ROCK2: variants seen among roughly 807,000 people sequenced by gnomAD.
ROCK2 encodes Rho associated coiled-coil containing protein kinase 2.
A neutral mutation model predicts 195.1 loss-of-function variants in ROCK2; 61 were observed. The observed-to-expected ratio is 0.31, with a 90% CI of 0.25 to 0.39. ROCK2 has a LOEUF of 0.39. Ranked by LOEUF, ROCK2 falls within the 10% of genes least tolerant of loss-of-function variation. The pLI is 1.00. For missense variants in ROCK2, 1,109 were observed against 1,637.4 expected (o/e 0.68, Z 5.57); for synonymous variants, 504 against 545.5 (o/e 0.92, Z 1.06).
chr2:11,231,465 C>T (rs532197122), intron 5 of ROCK2, among the ~76,000 whole-genome samples: 1 of 152,274 alleles, frequency 6.6e-6, no homozygotes, highest in East Asian at 1.9e-4. Flanking sequence ...ACCTCAGCCT[C>T]CCAAAGTGCT....
At chr2:11,188,910 T>C (rs930070330) in intron 32 of ROCK2, among the ~76,000 whole-genome samples, 2 of 151,610 alleles carry the variant, frequency 1.3e-5, no homozygotes, top group African/African-American at 4.8e-5. Context: ...AGGGTGCATG[T>C]CTGTAATCCC....
In ROCK2 at chr2:11,201,928, T is replaced by G; in HGVS notation, c.2619+124A>C. ...TTATTTTTCTAGCAATGATAATAAA[T>G]TTCTCTTAAACTATCTACATTCTTT... On this transcript the variant is annotated intron_variant, in intron 21 of 32. Coordinates refer to ENST00000315872, the MANE Select transcript of ROCK2 (RefSeq NM_004850.5). The surrounding 1 kb of genome is among the most constrained non-coding windows in gnomAD (Gnocchi z 4.6). 1.5e-6 allele frequency: 1 copy of G among 686,670 alleles called. No individual in the cohort carries two copies. Among genetic ancestry groups the G allele is most frequent in the Non-Finnish European group, 2.6e-6 (1 of 391,220 alleles). The allele number at this position is 686,670 out of a possible 1,614,324, so 42.5% of individuals were successfully genotyped here.
intron 2 of ROCK2, 81 bp downstream of exon 2, chr2:11,287,574 T>C (rs190821917): frequency 9.9e-6 from 4 of 405,024 alleles, no homozygotes; most frequent in East Asian, 7.6e-5. Flanking sequence ...TTAATAAATT[T>C]ATAGGCTGAT....
At chr2:11,278,990 A>G (rs1666915707) in intron 3 of ROCK2, among the ~76,000 whole-genome samples, 1 of 152,168 alleles carries the variant, frequency 6.6e-6, no homozygotes, top group South Asian at 2.1e-4. Context: ...AAAAAAGGAA[A>G]AAAGTAGACA....
intron 1 of ROCK2, among the ~76,000 whole-genome samples, chr2:11,335,917 G>A (rs1036253993): frequency 1.6e-4 from 24 of 152,088 alleles, no homozygotes; most frequent in African/African-American, 5.3e-4. Flanking sequence ...ACAGTGAAAC[G>A]ATTGATAATT....
At chr2:11,302,102 G>A (rs1040854778) in intron 1 of ROCK2, among the ~76,000 whole-genome samples, 3 of 151,964 alleles carry the variant, frequency 2.0e-5, no homozygotes, top group African/African-American at 7.2e-5. Context: ...CACCACGCCC[G>A]GCCAGCAACT....
intron 3 of ROCK2, among the ~76,000 whole-genome samples, chr2:11,285,766 G>A (rs1667166682): frequency 2.0e-5 from 3 of 152,080 alleles, no homozygotes; most frequent in Admixed American, 2.0e-4. Flanking sequence ...AGTCAAGACT[G>A]CAGTGAGCCA....
At chr2:11,243,218 G>A (rs1354725834) in intron 4 of ROCK2, among the ~76,000 whole-genome samples, 1 of 152,142 alleles carries the variant, frequency 6.6e-6, no homozygotes, top group Non-Finnish European at 1.5e-5. Flanking sequence ...TGGGACAACT[G>A]GTGAAAACCT....
chr2:11,282,921 TAAAC>T (rs925661596), intron 3 of ROCK2, among the ~76,000 whole-genome samples: 8 of 151,716 alleles, frequency 5.3e-5, no homozygotes, highest in African/African-American at 1.5e-4. Flanking sequence ...TAAAAAAAAA[TAAAC>T]AACCCAATCA....
At chr2:11,270,166 A>T (rs564103960) in intron 3 of ROCK2, among the ~76,000 whole-genome samples, 1 of 152,014 alleles carries the variant, frequency 6.6e-6, no homozygotes, top group East Asian at 1.9e-4. Context: ...TACTTTAAAA[A>T]TTTTATTCCA....
At chr2:11,228,942 G>GA (rs1022795764) in intron 5 of ROCK2, among the ~76,000 whole-genome samples, 1 of 151,784 alleles carries the variant, frequency 6.6e-6, no homozygotes, top group African/African-American at 2.4e-5. Flanking sequence ...AGGTTAGATA[G>GA]AAAAAAAGAG....
rs753927042 is a variant in ROCK2 at position 11,224,341 on chromosome 2, A to T, written c.988T>A (p.Cys330Ser). The T allele has an allele frequency of 6.2e-7, 1 of 1,612,962 alleles. No individual in the cohort carries two copies. Among genetic ancestry groups the T allele is most frequent in the Non-Finnish European group, 8.5e-7 (1 of 1,179,390 alleles). ...CATTACCTATCTGTTAAGAAAGCAC[A>T]GATGAGATTCTTTGCATGTTTGGAA... is the stretch of plus-strand genomic sequence containing the variant. Reference protein sequence around the residue: ...EISKHAKNLICAFLTDREVRL... With the variant: ...EISKHAKNLISAFLTDREVRL... Residue 330 changes from cysteine (C) to serine (S), a missense_variant, in exon 7 of 33, where the codon TGT becomes AGT. Cys to Ser is a moderately radical substitution (Grantham distance 112). Coordinates refer to ENST00000315872, the MANE Select transcript of ROCK2 (RefSeq NM_004850.5).
chr2:11,344,561 G>A lies in ROCK2; in HGVS notation c.-425C>T. ...CCACTACGGCCGCCGCCGGCCCGCT[G>A]CCATGGTCGCCGCCGGCCGCCTTGC... On this transcript the variant is annotated 5_prime_UTR_variant, in exon 1 of 33. Transcript: ENST00000315872. The surrounding 1 kb of genome is among the most constrained non-coding windows in gnomAD (Gnocchi z 5.4). 1 of 912,542 alleles carries A rather than the reference G, an allele frequency of 1.1e-6. No individual in the cohort carries two copies. The highest frequency in any genetic ancestry group is 1.3e-6 in the Non-Finnish European group (1 of 765,322). The allele number at this position is 912,542 out of a possible 1,614,324, so 56.5% of individuals were successfully genotyped here.
intron 24 of ROCK2, 22 bp from the exon 25 acceptor site, chr2:11,198,607 A>C: frequency 2.5e-6 from 4 of 1,603,782 alleles, no homozygotes; most frequent in Non-Finnish European, 3.4e-6. Context: ...AAAAAAGTTA[A>C]AATTACATTG....
chr2:11,248,784 T>C (rs1418545229), intron 4 of ROCK2, among the ~76,000 whole-genome samples: 2 of 143,900 alleles, frequency 1.4e-5, no homozygotes. Flanking sequence ...TAACCCACAG[T>C]CAAATAAAAG....
chr2:11,313,356 G>T lies in ROCK2; in HGVS notation c.142-25620C>A, dbSNP rs10183373. Reference sequence around the variant, plus strand: ...ACTCTGACCAGCAGTGAATAAATGGGACAAATTTACACTCTTCTACAGCAG... The same window carrying T: ...ACTCTGACCAGCAGTGAATAAATGGTACAAATTTACACTCTTCTACAGCAG... On this transcript the variant is annotated intron_variant, in intron 1 of 32. Coordinates refer to ENST00000315872, the MANE Select transcript of ROCK2 (RefSeq NM_004850.5). Among the ~76,000 whole-genome samples the T allele has an allele frequency of 8.7e-3, 1,318 of 151,964 alleles. 20 individuals are homozygous for T. Among genetic ancestry groups the T allele is most frequent in the African/African-American group, 0.03 (1,255 of 41,518 alleles).
Position 11,198,709 on chromosome 2 carries a change from T to C in ROCK2, c.2976A>G (p.Leu992=), listed in dbSNP as rs1336621298. 6.2e-7 allele frequency: 1 copy of C among 1,609,280 alleles called. No homozygotes were observed. Among genetic ancestry groups the C allele is most frequent in the Non-Finnish European group, 8.5e-7 (1 of 1,177,386 alleles). ...VANLANEKEE[L]NNKLKDVQEQ... is the part of the protein sequence containing the mutation. ...CTTGAACATCTTTCAATTTGTTATTTAATTCTTCTTTCTCATTTGCAAGAT... is the reference window on the plus strand; with the variant it reads ...CTTGAACATCTTTCAATTTGTTATTCAATTCTTCTTTCTCATTTGCAAGAT... The change falls in exon 24 of 33, where the codon TTA becomes TTG. Residue 992 remains leucine, a synonymous_variant. Transcript: ENST00000315872.
chr2:11,224,476 A>C lies in ROCK2; in HGVS notation c.869-16T>G, dbSNP rs1336798775. ...GGAGTATCCCCTAAAATTTCAAGAA[A>C]GAAGATACTGAATGTAACAGAGAAT... On this transcript the variant is annotated splice_polypyrimidine_tract_variant and intron_variant, in intron 6 of 32. Coordinates refer to ENST00000315872, the MANE Select transcript of ROCK2 (RefSeq NM_004850.5). The C allele has an allele frequency of 6.2e-7, 1 of 1,608,310 alleles. No homozygotes were observed. Among genetic ancestry groups the C allele is most frequent in the South Asian group, 1.1e-5 (1 of 90,246 alleles).
In ROCK2 at chr2:11,344,259, A is replaced by G; in HGVS notation, c.-123T>C. ...CCACCCGGGCCCACCGCCTGCCTCTAGCTCCGGCTTCGGGTCTCCAAGGCG... is the reference window on the plus strand; with the variant it reads ...CCACCCGGGCCCACCGCCTGCCTCTGGCTCCGGCTTCGGGTCTCCAAGGCG... On this transcript the variant is annotated 5_prime_UTR_variant, in exon 1 of 33. Coordinates refer to ENST00000315872, the MANE Select transcript of ROCK2 (RefSeq NM_004850.5). This position sits in a 1 kb window ranked among gnomAD's most constrained non-coding sequence, Gnocchi z 5.4. 7.7e-7 allele frequency: 1 copy of G among 1,292,672 alleles called. No homozygotes were observed. Among genetic ancestry groups the G allele is most frequent in the Non-Finnish European group, 9.8e-7 (1 of 1,023,556 alleles). The allele number at this position is 1,292,672 out of a possible 1,614,324, so 80.1% of individuals were successfully genotyped here. A position where few individuals can be genotyped will look rare whatever the true frequency, so the allele number is the denominator to read the frequency against.
Sources: gnomAD v4.1 joint callset for allele counts (sites outside exome capture counted in the v4.1 genomes callset) on GRCh38, gnomAD v4.1.1 for gene constraint, Gnocchi (gnomAD v3.1) non-coding constraint, MANE v1.5 for transcripts, NCBI Gene and HGNC (gene_info 2026-07-23, HGNC 2026-07-21) for gene names.